Variants in PARN observed in about 807,000 individuals in gnomAD.
PARN encodes poly(A)-specific ribonuclease.
In PARN, 71 loss-of-function variants were observed where a neutral mutation model predicts 102.8. The observed-to-expected ratio is 0.69, with a 90% confidence interval of 0.57 to 0.84. The LOEUF is 0.84. PARN is among the 40% of genes least tolerant of loss of function. The pLI is 0.00. For missense variants in PARN, 782 were observed against 760.9 expected (o/e 1.03, Z -0.33); for synonymous variants, 261 against 252.9 (o/e 1.03, Z -0.30).
At chr16:14,488,111 G>C (rs1006406303) in intron 21 of PARN, among the ~76,000 whole-genome samples, 1 of 152,048 alleles carries the variant, frequency 6.6e-6, no homozygotes, top group Non-Finnish European at 1.5e-5. Context: ...AGAAAAACAC[G>C]TATATATCTG....
chr16:14,625,710 T>C (rs1004681736), intron 5 of PARN, among the ~76,000 whole-genome samples: 5 of 152,232 alleles, frequency 3.3e-5, no homozygotes, highest in African/African-American at 1.2e-4. Context: ...CATTTGTTTA[T>C]ATACTGCCAG....
intron 21 of PARN, among the ~76,000 whole-genome samples, chr16:14,539,407 A>G (rs1966755264): frequency 6.6e-6 from 1 of 152,238 alleles, no homozygotes; most frequent in South Asian, 2.1e-4. Context: ...TTTTTGCTCT[A>G]TTCTCATACC....
At chr16:14,539,566 T>A (rs1311049642) in intron 21 of PARN, among the ~76,000 whole-genome samples, 1 of 152,232 alleles carries the variant, frequency 6.6e-6, no homozygotes, top group Non-Finnish European at 1.5e-5. Flanking sequence ...ACAATAAGAT[T>A]CTCAGTCAGT....
chr16:14,551,889 G>A, intron 21 of PARN, 132 bp downstream of exon 21: 1 of 613,298 alleles, frequency 1.6e-6, no homozygotes, highest in African/African-American at 1.8e-5. Flanking sequence ...TTATTTCAGA[G>A]ACAATCTCAA....
intron 13 of PARN, among the ~76,000 whole-genome samples, chr16:14,587,036 C>T (rs1431888387): frequency 3.9e-5 from 6 of 152,178 alleles, no homozygotes; most frequent in African/African-American, 1.4e-4. Flanking sequence ...CATTTACATA[C>T]ATAATTGCCA....
At chr16:14,543,345 G>A (rs1323089651) in intron 21 of PARN, among the ~76,000 whole-genome samples, 1 of 152,066 alleles carries the variant, frequency 6.6e-6, no homozygotes, top group Non-Finnish European at 1.5e-5. Flanking sequence ...GAAGGAAAAG[G>A]ATACCAAAAA....
intron 21 of PARN, among the ~76,000 whole-genome samples, chr16:14,497,175 A>G (rs1964357984): frequency 6.6e-6 from 1 of 151,878 alleles, no homozygotes; most frequent in Admixed American, 6.6e-5. Flanking sequence ...CTTTTTTTTA[A>G]ATGCTGGTAT....
intron 11 of PARN, among the ~76,000 whole-genome samples, chr16:14,600,342 G>A (rs984185497): frequency 2.6e-5 from 4 of 152,116 alleles, no homozygotes; most frequent in African/African-American, 9.7e-5. Context: ...AAACCCATCT[G>A]GCAGTTAACT....
In PARN at chr16:14,469,700, TAA is replaced by T. The variant is rs1962600763; in HGVS notation, c.1670+12936_1670+12937del. 2.3e-5 allele frequency among the ~76,000 whole-genome samples: 3 copies of T among 132,454 alleles called. No homozygotes were observed. In the South Asian group the frequency reaches 7.4e-4, roughly 32 times the overall value. 86.9% of individuals were successfully genotyped at this position (132,454 alleles called of 152,430 possible). A position where few individuals can be genotyped will look rare whatever the true frequency, so the allele number is the denominator to read the frequency against. On this transcript the variant is annotated intron_variant, in intron 22 of 23. Transcript: ENST00000437198. Reference sequence around the variant, plus strand: ...GTACTAGCAGAATTTTTAAAAAGCATAAAGTGTCAAAAAAAAAAAAAAGAACT... The same window carrying T: ...GTACTAGCAGAATTTTTAAAAAGCATAGTGTCAAAAAAAAAAAAAAGAACT...
intron 18 of PARN, among the ~76,000 whole-genome samples, chr16:14,564,292 T>C (rs1236162273): frequency 6.6e-6 from 1 of 152,224 alleles, no homozygotes; most frequent in Non-Finnish European, 1.5e-5. Context: ...TTTTTTATAA[T>C]ACTCAAAGGG....
chr16:14,518,517 A>G (rs1376764177), intron 21 of PARN, among the ~76,000 whole-genome samples: 1 of 152,118 alleles, frequency 6.6e-6, no homozygotes, highest in Non-Finnish European at 1.5e-5. Context: ...CTATGCAGTA[A>G]TCTCCTGAAT....
intron 21 of PARN, among the ~76,000 whole-genome samples, chr16:14,541,213 G>A (rs1341966917): frequency 6.6e-6 from 1 of 151,362 alleles, no homozygotes; most frequent in Non-Finnish European, 1.5e-5. Context: ...CAAAGGTAAG[G>A]AAGTCCTTAT....
At position 14,482,770 on chromosome 16, in the gene PARN, A is replaced by G. The variant is rs770879057; in HGVS notation, c.1538T>C (p.Met513Thr). ...CTGCTTCTCTTCCTGTTTTCTCCCC[A>G]TATATTCAGCATAGGTTTGGATCCG... is the stretch of plus-strand genomic sequence containing the variant. ...SYRIQTYAEY[M>T]GRKQEEKQIK... The change falls in exon 22 of 24, where the codon ATG (methionine) becomes ACG (threonine). Residue 513 changes from methionine (M) to threonine (T), a missense_variant. Transcript: ENST00000437198. 1 of 1,613,828 alleles carries G rather than the reference A, an allele frequency of 6.2e-7. No individual in the cohort carries two copies. The highest frequency in any genetic ancestry group is 1.1e-5 in the South Asian group (1 of 91,066).
At chr16:14,542,596 A>G (rs995646383) in intron 21 of PARN, among the ~76,000 whole-genome samples, 3 of 152,118 alleles carry the variant, frequency 2.0e-5, no homozygotes, top group Non-Finnish European at 4.4e-5. Flanking sequence ...AAACAGAAAC[A>G]TAGGCTCCAA....
chr16:14,598,929 G>A (rs1970701774), intron 12 of PARN, among the ~76,000 whole-genome samples: 3 of 151,804 alleles, frequency 2.0e-5, no homozygotes, highest in African/African-American at 7.3e-5. Flanking sequence ...ATAAGAGAAT[G>A]TCCTAGACTA....
intron 21 of PARN, among the ~76,000 whole-genome samples, chr16:14,516,292 A>C (rs973633103): frequency 2.0e-5 from 3 of 152,168 alleles, no homozygotes; most frequent in African/African-American, 7.2e-5. Context: ...ATAGACAAAA[A>C]CAAAAGCAAG....
intron 21 of PARN, among the ~76,000 whole-genome samples, chr16:14,527,259 C>T (rs543001653): frequency 1.3e-5 from 2 of 152,314 alleles, no homozygotes; most frequent in South Asian, 2.1e-4. Flanking sequence ...AATTGAGTTC[C>T]CTCTGCTTTA....
intron 18 of PARN, among the ~76,000 whole-genome samples, chr16:14,564,419 G>A (rs1968299740): frequency 6.6e-6 from 1 of 152,202 alleles, no homozygotes; most frequent in Non-Finnish European, 1.5e-5. Flanking sequence ...ACAACACGCA[G>A]TGAAGAGAGC....
intron 18 of PARN, among the ~76,000 whole-genome samples, chr16:14,569,743 A>G (rs1222589884): frequency 6.6e-6 from 1 of 152,210 alleles, no homozygotes; most frequent in Admixed American, 6.5e-5. Context: ...ATTCATAGAC[A>G]GATTAGAGGT....
Sources: gnomAD v4.1 joint callset for allele counts (sites outside exome capture counted in the v4.1 genomes callset) on GRCh38, gnomAD v4.1.1 for gene constraint, MANE v1.5 for transcripts, NCBI Gene and HGNC (gene_info 2026-07-23, HGNC 2026-07-21) for gene names.